The following PCBD2 variants were observed in gnomAD, a reference collection of about 807,000 sequenced individuals.
PCBD2 encodes the protein pterin-4-alpha-carbinolamine dehydratase 2.
PCBD2 carries 12 observed loss-of-function variants against 16.4 expected under a neutral mutation model. The observed-to-expected ratio is 0.73, with a 90% CI of 0.47 to 1.19. The LOEUF (loss-of-function observed/expected upper bound fraction) is 1.19, where lower values mean the gene tolerates loss of function less well. PCBD2 is among the 50% of genes most tolerant of loss of function. The pLI, the probability that PCBD2 is intolerant of heterozygous loss-of-function variation, is 0.00. For missense variants in PCBD2, 138 were observed against 156.8 expected, an observed-to-expected ratio of 0.88 and a Z score of 0.64; for synonymous variants, 58 against 61.8, an observed-to-expected ratio of 0.94 and a Z score of 0.29.
rs1158334317 is a variant in PCBD2, at chr5:134,906,194, A to ATTTTTTTTTTTTTTTTTTTTTTT, written c.84+976_84+998dup. Among the ~76,000 whole-genome samples the ATTTTTTTTTTTTTTTTTTTTTTT allele has an allele frequency of 4.5e-5, 3 of 66,522 alleles. 1 individual carries two copies. Among genetic ancestry groups the ATTTTTTTTTTTTTTTTTTTTTTT allele is most frequent in the African/African-American group, 6.8e-5 (1 of 14,662 alleles). 43.6% of individuals were successfully genotyped at this position (66,522 alleles called of 152,430 possible). A position where few individuals can be genotyped will look rare whatever the true frequency, so the allele number is the denominator to read the frequency against. On this transcript the variant is annotated intron_variant, in intron 1 of 3. Coordinates refer to ENST00000254908, the MANE Select transcript of PCBD2 (RefSeq NM_032151.5). ...TGGCCTGAAATTCTTTAATAGAAGA[A>ATTTTTTTTTTTTTTTTTTTTTTT]TTTTTTTTTTTTTTTTTTTTTTTTT...
chr5:134,925,470 A>G (rs1331492473), intron 2 of PCBD2: 3 of 398,396 alleles, frequency 7.5e-6, no homozygotes, highest in Admixed American at 4.4e-5. Context: ...AGGCGTGGGT[A>G]CAGATGTGCA....
chr5:134,950,748 A>C (rs561284137), intron 2 of PCBD2, among the ~76,000 whole-genome samples: 1 of 152,208 alleles, frequency 6.6e-6, no homozygotes, highest in Non-Finnish European at 1.5e-5. Context: ...TTCATCATAC[A>C]TTCATTGACT....
At chr5:134,915,024 T>A (rs953750995) in intron 2 of PCBD2, among the ~76,000 whole-genome samples, 1 of 152,136 alleles carries the variant, frequency 6.6e-6, no homozygotes, top group South Asian at 2.1e-4. Flanking sequence ...CTTTTAAAAC[T>A]CACATACCAG....
At chr5:134,916,593 T>C (rs962542131) in intron 2 of PCBD2, among the ~76,000 whole-genome samples, 1 of 152,280 alleles carries the variant, frequency 6.6e-6, no homozygotes, top group African/African-American at 2.4e-5. Flanking sequence ...CCAGGTTTAC[T>C]ATAAGAATAA....
chr5:134,937,994 C>G (rs1284325868), intron 2 of PCBD2, among the ~76,000 whole-genome samples: 4 of 152,146 alleles, frequency 2.6e-5, no homozygotes, highest in Non-Finnish European at 5.9e-5. Context: ...TGAAATTAGT[C>G]TGAAGCCGCT....
At chr5:134,946,156 C>T (rs1303098217) in intron 2 of PCBD2, among the ~76,000 whole-genome samples, 2 of 151,548 alleles carry the variant, frequency 1.3e-5, no homozygotes, top group Admixed American at 6.6e-5. Flanking sequence ...GAATGTTTCT[C>T]TCCTTAAGCC....
At chr5:134,925,283 C>A in intron 2 of PCBD2, 1 of 398,490 alleles carries the variant, frequency 2.5e-6, no homozygotes, top group South Asian at 1.3e-4. Flanking sequence ...ATGATGTGGT[C>A]TTTGGAGTAG....
At chr5:134,951,292 TA>T (rs981563498) in intron 2 of PCBD2, among the ~76,000 whole-genome samples, 40 of 152,342 alleles carry the variant, frequency 2.6e-4, no homozygotes, top group African/African-American at 8.4e-4. Flanking sequence ...GTTATGCATA[TA>T]TTTTTTTTCA....
Position 134,961,509 on chromosome 5 carries a change from C to T in PCBD2, c.*828C>T, listed in dbSNP as rs973069488. 1.1e-4 allele frequency among the ~76,000 whole-genome samples: 17 copies of T among 152,072 alleles called. No homozygotes were observed. The highest frequency in any genetic ancestry group is 4.2e-4 in the South Asian group (2 of 4,810). On this transcript the variant is annotated 3_prime_UTR_variant, in exon 4 of 4. Coordinates refer to ENST00000254908, the MANE Select transcript of PCBD2 (RefSeq NM_032151.5). Reference sequence around the variant, plus strand: ...TTATGTTGGCCAGGATGGTCTCGATCTACTGACCTCGTGATCCACCTGCCT... The same window carrying T: ...TTATGTTGGCCAGGATGGTCTCGATTTACTGACCTCGTGATCCACCTGCCT...
intron 2 of PCBD2, among the ~76,000 whole-genome samples, chr5:134,934,743 C>G (rs903399738): frequency 6.6e-6 from 1 of 152,082 alleles, no homozygotes; most frequent in Admixed American, 6.5e-5. Context: ...TTTTCCCTTC[C>G]ATTGTCTGAT....
chr5:134,948,794 A>G (rs1255418429), intron 2 of PCBD2, among the ~76,000 whole-genome samples: 3 of 151,394 alleles, frequency 2.0e-5, no homozygotes, highest in African/African-American at 7.3e-5. Flanking sequence ...TTTAGAAGTG[A>G]GCATGCTATC....
At chr5:134,923,925 A>G (rs1014143191) in intron 2 of PCBD2, 17 of 394,262 alleles carry the variant, frequency 4.3e-5, no homozygotes, top group Middle Eastern at 1.3e-3. Context: ...GATTTGGAGG[A>G]TTAGGCAGGC....
chr5:134,920,506 A>G (rs914991719), intron 2 of PCBD2, among the ~76,000 whole-genome samples: 2 of 152,240 alleles, frequency 1.3e-5, no homozygotes, highest in African/African-American at 4.8e-5. Context: ...TGAAACAAAC[A>G]AAGCTGTACT....
At chr5:134,941,770 T>A (rs1020264406) in intron 2 of PCBD2, among the ~76,000 whole-genome samples, 4 of 152,100 alleles carry the variant, frequency 2.6e-5, no homozygotes, top group Admixed American at 6.5e-5. Context: ...ACGTAATAAT[T>A]TTTTCTTTTT....
At chr5:134,925,038 G>A (rs1410790954) in intron 2 of PCBD2, 3 of 395,068 alleles carry the variant, frequency 7.6e-6, no homozygotes, top group Non-Finnish European at 1.3e-5. Context: ...GGGTGGATGT[G>A]GGGAGAATGC....
intron 2 of PCBD2, among the ~76,000 whole-genome samples, chr5:134,918,437 G>A (rs1750860489): frequency 1.3e-5 from 2 of 152,164 alleles, no homozygotes; most frequent in African/African-American, 2.4e-5. Context: ...CCCGGGAGGC[G>A]GAGGTTGCAG....
intron 2 of PCBD2, chr5:134,925,948 G>T: frequency 2.6e-6 from 1 of 390,276 alleles, no homozygotes. Flanking sequence ...GTATAGGATT[G>T]CTTGAATAGC....
chr5:134,943,282 G>A (rs17167708), intron 2 of PCBD2, among the ~76,000 whole-genome samples: 3,859 of 152,278 alleles, frequency 0.025, 148 homozygotes, highest in African/African-American at 0.081. Flanking sequence ...CTTCGGAGCA[G>A]TGTGATCTGA....
At chr5:134,956,059 A>G (rs866862531) in intron 2 of PCBD2, among the ~76,000 whole-genome samples, 4 of 152,278 alleles carry the variant, frequency 2.6e-5, no homozygotes, top group South Asian at 4.1e-4. Flanking sequence ...AAAAATACAT[A>G]TTTTGGGGAT....
Sources: gnomAD v4.1 joint callset for allele counts (sites outside exome capture counted in the v4.1 genomes callset) on GRCh38, gnomAD v4.1.1 for gene constraint, MANE v1.5 for transcripts, NCBI Gene and HGNC (gene_info 2026-07-23, HGNC 2026-07-21) for gene names.